The following MCU variants were observed in gnomAD, a reference collection of about 807,000 sequenced individuals.
MCU encodes calcium uniporter protein, mitochondrial.
In MCU, 12 loss-of-function variants were observed where a neutral mutation model predicts 45.2. The observed-to-expected ratio is 0.27, with a 90% CI of 0.17 to 0.43. The LOEUF is 0.43. Ranked by LOEUF, MCU falls within the 20% of genes least tolerant of loss-of-function variation. The probability of loss-of-function intolerance (pLI) is 1.00; values close to 1 mark genes in which losing one functional copy is unlikely to be tolerated. For missense variants in MCU, 324 were observed against 436.7 expected (o/e 0.74, Z 2.30); for synonymous variants, 160 against 165.1 (o/e 0.97, Z 0.24).
chr10:72,757,812 C>A (rs1419085522), intron 1 of MCU, among the ~76,000 whole-genome samples: 1 of 152,178 alleles, frequency 6.6e-6, no homozygotes, highest in African/African-American at 2.4e-5. Flanking sequence ...TGGGGACAGA[C>A]CTTTGTGACA....
chr10:72,865,841 A>G (rs980975427), intron 4 of MCU, among the ~76,000 whole-genome samples: 70 of 150,934 alleles, frequency 4.6e-4, no homozygotes, highest in African/African-American at 1.3e-3. Context: ...CAGTGGTGCA[A>G]TCTTGGCTCA....
intron 1 of MCU, among the ~76,000 whole-genome samples, chr10:72,693,663 A>G (rs1371616528): frequency 6.6e-6 from 1 of 152,098 alleles, no homozygotes; most frequent in Non-Finnish European, 1.5e-5. Flanking sequence ...TCTTGTGAGA[A>G]GATTGTACCT....
chr10:72,710,549 T>G (rs901342023), intron 1 of MCU, among the ~76,000 whole-genome samples: 1 of 146,132 alleles, frequency 6.8e-6, no homozygotes. Flanking sequence ...TAAGGTTTTT[T>G]TTTTTTTTTT....
At chr10:72,799,574 A>C (rs571970120) in intron 1 of MCU, among the ~76,000 whole-genome samples, 5 of 152,034 alleles carry the variant, frequency 3.3e-5, no homozygotes, top group African/African-American at 1.2e-4. Flanking sequence ...CTCCCTCCTC[A>C]GCCTCCTGAG....
Position 72,693,195 on chromosome 10 carries a change from T to TGA in MCU, c.150+895_150+896insAG, listed in dbSNP as rs1323875851. The TGA allele has an allele frequency of 1.5e-5, 14 of 910,088 alleles. No homozygotes were observed. The African/African-American group carries it at 2.2e-4, about 14-fold the overall frequency. 56.4% of individuals were successfully genotyped at this position (910,088 alleles called of 1,614,324 possible). On this transcript the variant is annotated intron_variant, in intron 1 of 7. Transcript: ENST00000373053. ...GTGAGTGTGTGTGTGTGTGTGTGTG[T>TGA]GTGTGAGAGAGAGAGAGACAGAGTG...
At chr10:72,830,794 G>A (rs1035863577) in intron 1 of MCU, among the ~76,000 whole-genome samples, 1 of 152,170 alleles carries the variant, frequency 6.6e-6, no homozygotes, top group African/African-American at 2.4e-5. Context: ...TCAAGTAGAG[G>A]TGTGTGGGGA....
At chr10:72,724,734 T>G (rs1224125126) in intron 1 of MCU, among the ~76,000 whole-genome samples, 1 of 152,220 alleles carries the variant, frequency 6.6e-6, no homozygotes, top group East Asian at 1.9e-4. Flanking sequence ...AGAAGCAAAT[T>G]GCAGCTCAGC....
intron 1 of MCU, among the ~76,000 whole-genome samples, chr10:72,777,416 T>A (rs986566255): frequency 2.6e-5 from 4 of 152,214 alleles, no homozygotes; most frequent in Non-Finnish European, 5.9e-5. Context: ...CAGCTGATCT[T>A]TGACAAAGGA....
intron 1 of MCU, among the ~76,000 whole-genome samples, chr10:72,751,027 G>A (rs910723282): frequency 2.0e-5 from 3 of 152,108 alleles, no homozygotes; most frequent in Admixed American, 6.5e-5. Context: ...TGGAGACAGA[G>A]TTTTGCTCTG....
At chr10:72,714,317 C>T (rs1842930752) in intron 1 of MCU, among the ~76,000 whole-genome samples, 1 of 137,690 alleles carries the variant, frequency 7.3e-6, no homozygotes, top group African/African-American at 2.8e-5. Flanking sequence ...TGTTTATGAG[C>T]TGTTACTTCA....
At chr10:72,763,220 C>T (rs1306970509) in intron 1 of MCU, among the ~76,000 whole-genome samples, 2 of 152,136 alleles carry the variant, frequency 1.3e-5, no homozygotes, top group Admixed American at 6.6e-5. Flanking sequence ...GTTCCTTTTG[C>T]CACGTAAGGT....
chr10:72,797,191 T>C (rs1196159252), intron 1 of MCU, among the ~76,000 whole-genome samples: 2 of 151,834 alleles, frequency 1.3e-5, no homozygotes, highest in African/African-American at 4.8e-5. Context: ...CTTGCCTTGC[T>C]GTTTCTACTT....
chr10:72,860,226 T>G, intron 3 of MCU, 197 bp from the exon 4 acceptor site: 1 of 554,536 alleles, frequency 1.8e-6, no homozygotes, highest in Non-Finnish European at 3.2e-6. Flanking sequence ...GAAAAGCTGT[T>G]GTTAAATCTT....
intron 1 of MCU, among the ~76,000 whole-genome samples, chr10:72,721,970 G>C (rs1589432057): frequency 6.6e-6 from 1 of 152,218 alleles, no homozygotes; most frequent in South Asian, 2.1e-4. Flanking sequence ...GGCTCCTTAT[G>C]GGGAATGCAA....
chr10:72,867,601 C>A (rs1315030858), intron 4 of MCU, among the ~76,000 whole-genome samples: 10 of 152,010 alleles, frequency 6.6e-5, no homozygotes, highest in Non-Finnish European at 1.5e-4. Context: ...AGCCTGTAAT[C>A]CCAGCATTTT....
rs145859945 is a variant in MCU at position 72,722,241 on chromosome 10, G to A, written c.150+29940G>A. On this transcript the variant is annotated intron_variant, in intron 1 of 7. Coordinates refer to ENST00000373053, the MANE Select transcript of MCU (RefSeq NM_138357.3). ...TGAGGCAGGAGAATCACTTGAACCC[G>A]GGAGGCAGAGATTGCAGTGAGCGGA... Among the ~76,000 whole-genome samples the A allele has an allele frequency of 1.8e-3, 275 of 149,920 alleles. 5 individuals carry two copies. In the East Asian group the frequency reaches 0.05, roughly 28 times the overall value.
chr10:72,786,282 C>T (rs953058946), intron 1 of MCU, among the ~76,000 whole-genome samples: 14 of 151,826 alleles, frequency 9.2e-5, no homozygotes, highest in Non-Finnish European at 1.9e-4. Flanking sequence ...GTTTTTGTTA[C>T]CTAAAAATGA....
At chr10:72,806,286 T>C (rs968719751) in intron 1 of MCU, among the ~76,000 whole-genome samples, 2 of 151,690 alleles carry the variant, frequency 1.3e-5, no homozygotes, top group Non-Finnish European at 2.9e-5. Context: ...TCCTCCCAAG[T>C]AGCTGGGATT....
chr10:72,722,849 C>G (rs1026145453), intron 1 of MCU, among the ~76,000 whole-genome samples: 1 of 152,176 alleles, frequency 6.6e-6, no homozygotes, highest in East Asian at 1.9e-4. Context: ...GAAAAAGTCC[C>G]TTTTCCTTAT....
Sources: gnomAD v4.1 joint callset for allele counts (sites outside exome capture counted in the v4.1 genomes callset) on GRCh38, gnomAD v4.1.1 for gene constraint, MANE v1.5 for transcripts, NCBI Gene and HGNC (gene_info 2026-07-23, HGNC 2026-07-21) for gene names.